WIPF1: variants seen among roughly 807,000 people sequenced by gnomAD.
The protein encoded by WIPF1 is WAS/WASL interacting protein family member 1.
In WIPF1, 13 loss-of-function variants were observed where a neutral mutation model predicts 35.4. The ratio of observed to expected loss-of-function variants is 0.37; its 90% confidence interval spans 0.24 to 0.58. WIPF1 has a LOEUF of 0.58. Among genes scored for constraint, WIPF1 ranks in the 20% least tolerant of loss-of-function variants. The pLI, the probability that WIPF1 is intolerant of heterozygous loss-of-function variation, is 0.74. For synonymous variants in WIPF1, 267 were observed against 266.3 expected (o/e 1.00, Z -0.02); for missense variants, 591 against 667.0 (o/e 0.89, Z 1.25).
intron 1 of WIPF1, among the ~76,000 whole-genome samples, chr2:174,654,007 A>G (rs1486945353): frequency 6.6e-6 from 1 of 152,172 alleles, no homozygotes; most frequent in Non-Finnish European, 1.5e-5. Flanking sequence ...TTCTCCCCTT[A>G]GTAAATCTAT....
intron 1 of WIPF1, among the ~76,000 whole-genome samples, chr2:174,614,005 C>T (rs1381209918): frequency 6.6e-6 from 1 of 152,194 alleles, no homozygotes; most frequent in African/African-American, 2.4e-5. Flanking sequence ...CTGATCCATT[C>T]AATTTGTGCT....
At position 174,622,025 on chromosome 2, in the gene WIPF1, G is replaced by A. The variant is rs952365138; in HGVS notation, c.-38-36414C>T. ...ACCCCACCCTCCCTTCTCAGAGGGA[G>A]TGCAAAGGGGCAGTGTTACATGCTG... On this transcript the variant is annotated intron_variant, in intron 1 of 8. Transcript: ENST00000272746. This position sits in a 1 kb window ranked among gnomAD's most constrained non-coding sequence, Gnocchi z 5.1. Among the ~76,000 whole-genome samples the A allele has an allele frequency of 8.5e-5, 13 of 152,170 alleles. No homozygotes were observed. The highest frequency in any genetic ancestry group is 1.8e-4 in the Non-Finnish European group (12 of 68,026).
At chr2:174,642,527 T>G (rs1057436326) in intron 1 of WIPF1, among the ~76,000 whole-genome samples, 1 of 151,958 alleles carries the variant, frequency 6.6e-6, no homozygotes, top group Non-Finnish European at 1.5e-5. Context: ...TTTTGTATTT[T>G]TAGTAGAGAA....
chr2:174,632,282 C>T (rs1302051005), intron 1 of WIPF1, among the ~76,000 whole-genome samples: 1 of 152,100 alleles, frequency 6.6e-6, no homozygotes, highest in African/African-American at 2.4e-5. Context: ...CTTTATAAGC[C>T]ATTTTTTGCA....
At position 174,674,948 on chromosome 2, in the gene WIPF1, A is replaced by ACACACG. The variant is rs576751803; in HGVS notation, c.-39+7825_-39+7826insCGTGTG. On this transcript the variant is annotated intron_variant, in intron 1 of 8. Transcript: ENST00000272746. Reference sequence around the variant, plus strand: ...CACACACACACACACACACACACACAGATGTTCCAGGAAGAATGGTTGTAG... The same window carrying ACACACG: ...CACACACACACACACACACACACACACACACGGATGTTCCAGGAAGAATGGTTGTAG... Among the ~76,000 whole-genome samples the ACACACG allele has an allele frequency of 5.3e-3, 780 of 147,196 alleles. 22 individuals carry two copies. The highest frequency in any genetic ancestry group is 0.014 in the African/African-American group (541 of 39,514).
At chr2:174,660,911 C>T (rs1344364683) in intron 1 of WIPF1, among the ~76,000 whole-genome samples, 3 of 152,210 alleles carry the variant, frequency 2.0e-5, no homozygotes, top group African/African-American at 4.8e-5. Context: ...ATTACGATCA[C>T]GCAACAACCA....
intron 1 of WIPF1, among the ~76,000 whole-genome samples, chr2:174,588,381 C>A (rs371730157): frequency 6.6e-6 from 1 of 152,176 alleles, no homozygotes; most frequent in East Asian, 1.9e-4. Context: ...TTCTGGTCAA[C>A]TAACAGGAAC....
chr2:174,568,221 A>AAC (rs1290898801), intron 5 of WIPF1, 148 bp from the exon 6 acceptor site: 2 of 940,712 alleles, frequency 2.1e-6, no homozygotes, highest in Non-Finnish European at 3.1e-6. Context: ...GAAATGAGTA[A>AAC]ACACACAGAA....
chr2:174,635,734 T>TA (rs112100282), intron 1 of WIPF1, among the ~76,000 whole-genome samples: 6,713 of 151,958 alleles, frequency 0.044, 473 homozygotes, highest in African/African-American at 0.15. Flanking sequence ...TGATTATTTT[T>TA]AAAAAAATGC....
At chr2:174,639,151 A>G (rs1385723946) in intron 1 of WIPF1, among the ~76,000 whole-genome samples, 1 of 152,208 alleles carries the variant, frequency 6.6e-6, no homozygotes, top group African/African-American at 2.4e-5. Context: ...GTCATTCTGA[A>G]TAGAGTGAAG....
At chr2:174,654,281 A>G (rs1044752435) in intron 1 of WIPF1, among the ~76,000 whole-genome samples, 10 of 152,232 alleles carry the variant, frequency 6.6e-5, no homozygotes, top group African/African-American at 2.4e-4. Flanking sequence ...GGAATAGACA[A>G]CAAAGTGTTC....
At chr2:174,588,158 A>G (rs933129214) in intron 1 of WIPF1, among the ~76,000 whole-genome samples, 1 of 152,198 alleles carries the variant, frequency 6.6e-6, no homozygotes, top group East Asian at 1.9e-4. Context: ...AAGATGCTGG[A>G]GCCAAATCAA....
chr2:174,652,045 C>T (rs886987587), intron 1 of WIPF1, among the ~76,000 whole-genome samples: 7 of 152,226 alleles, frequency 4.6e-5, no homozygotes, highest in African/African-American at 1.7e-4. Context: ...GGACTTTTTA[C>T]ATAGTGGCTC....
intron 1 of WIPF1, among the ~76,000 whole-genome samples, chr2:174,595,921 A>C (rs1685807204): frequency 6.6e-6 from 1 of 152,258 alleles, no homozygotes; most frequent in Non-Finnish European, 1.5e-5. Context: ...TCATAATTTA[A>C]ACAGCCAGAA....
intron 1 of WIPF1, among the ~76,000 whole-genome samples, chr2:174,635,570 A>C: frequency 7.6e-6 from 1 of 131,150 alleles, no homozygotes; most frequent in Non-Finnish European, 1.5e-5. Flanking sequence ...TCTCTCAGCC[A>C]TCAGGAGGGT....
intron 1 of WIPF1, among the ~76,000 whole-genome samples, chr2:174,662,750 G>A (rs1282248075): frequency 6.6e-6 from 1 of 152,158 alleles, no homozygotes; most frequent in Non-Finnish European, 1.5e-5. Flanking sequence ...GGAGAACCCA[G>A]AAGCAAAACA....
chr2:174,664,523 A>G (rs1687847773), intron 1 of WIPF1, among the ~76,000 whole-genome samples: 1 of 152,244 alleles, frequency 6.6e-6, no homozygotes, highest in Non-Finnish European at 1.5e-5. Flanking sequence ...CTGCTGACCC[A>G]AGTGGGAAAA....
chr2:174,630,094 T>TAC lies in WIPF1; in HGVS notation c.-38-44485_-38-44484dup, dbSNP rs567271296. Among the ~76,000 whole-genome samples the TAC allele has an allele frequency of 5.6e-3, 853 of 152,292 alleles. 22 individuals carry two copies. Among genetic ancestry groups the TAC allele is most frequent in the South Asian group, 9.9e-3 (48 of 4,828 alleles). Reference sequence around the variant, plus strand: ...ATGCTCTAGAGAATTCCTCCCATTATACACACACACATACACACACGTATA... The same window carrying TAC: ...ATGCTCTAGAGAATTCCTCCCATTATACACACACACACATACACACACGTATA... On this transcript the variant is annotated intron_variant, in intron 1 of 8. Transcript: ENST00000272746.
intron 1 of WIPF1, among the ~76,000 whole-genome samples, chr2:174,614,360 G>A (rs575664949): frequency 4.1e-4 from 62 of 152,286 alleles, no homozygotes; most frequent in Middle Eastern, 6.8e-3. Context: ...CTAGGGAATG[G>A]AAGACTGCTT....
Sources: gnomAD v4.1 joint callset for allele counts (sites outside exome capture counted in the v4.1 genomes callset) on GRCh38, gnomAD v4.1.1 for gene constraint, Gnocchi (gnomAD v3.1) non-coding constraint, MANE v1.5 for transcripts, NCBI Gene and HGNC (gene_info 2026-07-23, HGNC 2026-07-21) for gene names.